ZNF335: variants seen among roughly 807,000 people sequenced by gnomAD.
ZNF335 encodes the protein NRC-interacting factor 1.
A neutral mutation model predicts 145.6 loss-of-function variants in ZNF335; 84 were observed. That is an observed-to-expected ratio of 0.58 (90% CI 0.48 to 0.69). ZNF335 has a LOEUF of 0.69. Among genes scored for constraint, ZNF335 ranks in the 30% least tolerant of loss-of-function variants. The pLI is 0.00. For synonymous variants in ZNF335, 761 were observed against 717.0 expected (o/e 1.06, Z -0.98); for missense variants, 1,865 against 1,809.7 (o/e 1.03, Z -0.55).
At position 45,950,484 on chromosome 20, in the gene ZNF335, T is replaced by G. The variant is rs779642574; in HGVS notation, c.3301A>C (p.Lys1101Gln). The G allele has an allele frequency of 6.2e-7, 1 of 1,614,194 alleles. No homozygotes were observed. The highest frequency in any genetic ancestry group is 8.5e-7 in the Non-Finnish European group (1 of 1,180,034). Reference protein sequence around the residue: ...RRHMLTHTKEKPFACHLCGQR... With the variant: ...RRHMLTHTKEQPFACHLCGQR... ...CCGCAGAGGTGGCATGCAAAAGGCT[T>G]CTCCTTTGTGTGAGTCAGCATGTGC... Residue 1101 changes from lysine (K) to glutamine (Q), a missense_variant, in exon 21 of 28, where the codon AAG becomes CAG. Lys to Gln is a moderately conservative substitution (Grantham distance 53). Coordinates refer to ENST00000322927, the MANE Select transcript of ZNF335 (RefSeq NM_022095.4).
chr20:45,967,780 G>A lies in ZNF335; in HGVS notation c.768C>T (p.Thr256=). Residue 256 remains threonine, a synonymous_variant, in exon 5 of 28, where the codon ACC becomes ACT. Transcript: ENST00000322927. The part of the protein sequence containing the change: ...KCKMCQYRSS[T]KATLLRHMRE... The stretch of plus-strand genomic sequence containing the variant: ...GCATGTGGCGCAGCAGTGTGGCCTT[G>A]GTGCTGCTCCGGTACTGGCACATCT... 6.2e-7 allele frequency: 1 copy of A among 1,613,528 alleles called. No individual in the cohort carries two copies.
chr20:45,949,816 A>C lies in ZNF335; in HGVS notation c.3653T>G (p.Val1218Gly), dbSNP rs748990922. The part of the protein sequence containing the change: ...TADGQTVQHL[V>G]TSDNQVQYII... ...GTAGCTCACCTGGTTGTCGGAGGTC[A>C]CCAGGTGCTGTACGGTCTGGCCATC... The change falls in exon 24 of 28, where the codon GTG becomes GGG. Residue 1218 changes from valine (V) to glycine (G), a missense_variant. Coordinates refer to ENST00000322927, the MANE Select transcript of ZNF335 (RefSeq NM_022095.4). 1.9e-6 allele frequency: 3 copies of C among 1,614,008 alleles called. No homozygotes were observed. The highest frequency in any genetic ancestry group is 8.5e-7 in the Non-Finnish European group (1 of 1,180,014).
chr20:45,959,091 CCA>C, intron 15 of ZNF335, 108 bp downstream of exon 15: 1 of 963,238 alleles, frequency 1.0e-6, no homozygotes, highest in Non-Finnish European at 1.4e-6. Context: ...TGAGTTTTTA[CCA>C]CAGTCTCAAG....
chr20:45,962,047 G>GGC, intron 10 of ZNF335, 23 bp downstream of exon 10: 1 of 1,557,650 alleles, frequency 6.4e-7, no homozygotes, highest in Non-Finnish European at 8.8e-7. Context: ...TCTTGCCCAG[G>GGC]TCCCTCCCAC....
chr20:45,964,474 G>GA (rs896919111), intron 7 of ZNF335: 4 of 156,868 alleles, frequency 2.5e-5, no homozygotes, highest in African/African-American at 9.6e-5. Flanking sequence ...GGGAAGGAGG[G>GA]AGATGTGACT....
intron 9 of ZNF335, among the ~76,000 whole-genome samples, chr20:45,963,187 AAC>A (rs1490994388): frequency 2.0e-5 from 3 of 152,080 alleles, no homozygotes; most frequent in African/African-American, 7.2e-5. Context: ...ATCAGATGAA[AAC>A]AGTTTTATGG....
chr20:45,964,712 C>T (rs188851049), intron 7 of ZNF335, among the ~76,000 whole-genome samples: 4 of 152,070 alleles, frequency 2.6e-5, no homozygotes, highest in Admixed American at 2.0e-4. Context: ...ATATGTGCCT[C>T]GGTAAAAAGG....
intron 10 of ZNF335, 74 bp from the exon 11 acceptor site, chr20:45,960,956 C>T (rs1003212858): frequency 1.3e-6 from 2 of 1,589,762 alleles, no homozygotes; most frequent in African/African-American, 1.3e-5. Flanking sequence ...ACTGAACAGA[C>T]CCAGCCTCAG....
intron 1 of ZNF335, 196 bp from the exon 2 acceptor site, chr20:45,971,656 C>T (rs1390582824): frequency 1.0e-6 from 1 of 985,378 alleles, no homozygotes; most frequent in African/African-American, 1.7e-5. Context: ...CAGGCTAAGG[C>T]CCTTCCCGGG....
intron 2 of ZNF335, 146 bp from the exon 3 acceptor site, chr20:45,969,837 C>G: frequency 9.1e-7 from 1 of 1,094,946 alleles, no homozygotes; most frequent in Non-Finnish European, 1.3e-6. Context: ...CACGGAGGAC[C>G]AGTGAGAGAG....
chr20:45,959,850 G>C (rs1013869615), intron 14 of ZNF335, among the ~76,000 whole-genome samples: 1 of 152,236 alleles, frequency 6.6e-6, no homozygotes, highest in Non-Finnish European at 1.5e-5. Flanking sequence ...GCAGGGTCTG[G>C]AAGAGCCTCC....
chr20:45,955,436 G>A (rs1039338840), intron 17 of ZNF335, among the ~76,000 whole-genome samples: 1 of 150,148 alleles, frequency 6.7e-6, no homozygotes, highest in African/African-American at 2.4e-5. Flanking sequence ...CCTACTGGTG[G>A]CCACGTATAC....
chr20:45,967,890 G>T lies in ZNF335; in HGVS notation c.658C>A (p.Pro220Thr). Residue 220 changes from proline to threonine, a missense_variant, in exon 5 of 28, where the codon CCC (proline) becomes ACC (threonine). Coordinates refer to ENST00000322927, the MANE Select transcript of ZNF335 (RefSeq NM_022095.4). The part of the protein sequence containing the change: ...QGGPSSPVQL[P>T]PASGAEEPDL... ...GGCTCTTCGGCACCGGAGGCTGGGG[G>T]CAGCTGCACCGGGGAGCTGGGCCCA... The T allele has an allele frequency of 4.3e-6, 7 of 1,612,670 alleles. No individual in the cohort carries two copies. The highest frequency in any genetic ancestry group is 5.9e-6 in the Non-Finnish European group (7 of 1,179,620).
chr20:45,964,905 C>T (rs1011591341), intron 7 of ZNF335, among the ~76,000 whole-genome samples: 3 of 151,866 alleles, frequency 2.0e-5, no homozygotes, highest in Non-Finnish European at 4.4e-5. Flanking sequence ...GTGGTGGGCG[C>T]CTGTGATCCC....
At position 45,967,549 on chromosome 20, in the gene ZNF335, T is replaced by A; in HGVS notation, c.900A>T (p.Pro300=). ...CAATGTCATCATCGTCCTCCTCCTC[T>A]GGTCCCTCTTCCTCTTGGCTCTTGG... ...TSTKSQEEEG[P]EEEDDDDIVD... The change falls in exon 6 of 28, where the codon CCA becomes CCT. Residue 300 remains proline, a synonymous_variant. Coordinates refer to ENST00000322927, the MANE Select transcript of ZNF335 (RefSeq NM_022095.4). The A allele has an allele frequency of 6.2e-7, 1 of 1,614,088 alleles. No homozygotes were observed. Among genetic ancestry groups the A allele is most frequent in the Non-Finnish European group, 8.5e-7 (1 of 1,180,020 alleles).
chr20:45,949,300 GC>G, intron 26 of ZNF335, 32 bp downstream of exon 26: 11 of 1,613,992 alleles, frequency 6.8e-6, no homozygotes, highest in Non-Finnish European at 9.3e-6. Context: ...ACCTGCCTGT[GC>G]CCCAGGTCTC....
intron 7 of ZNF335, among the ~76,000 whole-genome samples, chr20:45,965,224 G>C (rs2083929666): frequency 6.6e-6 from 1 of 152,050 alleles, no homozygotes; most frequent in Non-Finnish European, 1.5e-5. Context: ...AGGCGGCAGA[G>C]CTGGTGCTCA....
rs979717225 is a variant in ZNF335 at position 45,969,533 on chromosome 20, G to A, written c.360C>T (p.Ser120=). The change falls in exon 3 of 28, where the codon TCC becomes TCT. Residue 120 remains serine, a synonymous_variant. Transcript: ENST00000322927. ...SALPDPNMLV[S]DCTASSSDLG... Reference sequence around the variant, plus strand: ...GGTCCGAGGAGGAAGCTGTGCAGTCGGACACCAGCATGTTGGGGTCTGGGA... The same window carrying A: ...GGTCCGAGGAGGAAGCTGTGCAGTCAGACACCAGCATGTTGGGGTCTGGGA... The A allele has an allele frequency of 2.7e-5, 43 of 1,591,392 alleles. No individual in the cohort carries two copies. Among genetic ancestry groups the A allele is most frequent in the East Asian group, 4.5e-5 (2 of 44,230 alleles).
At chr20:45,962,047 G>T in intron 10 of ZNF335, 23 bp downstream of exon 10, 2 of 1,557,640 alleles carry the variant, frequency 1.3e-6, no homozygotes, top group Non-Finnish European at 1.8e-6. Flanking sequence ...TCTTGCCCAG[G>T]TCCCTCCCAC....
Sources: gnomAD v4.1 joint callset for allele counts (sites outside exome capture counted in the v4.1 genomes callset) on GRCh38, gnomAD v4.1.1 for gene constraint, MANE v1.5 for transcripts, NCBI Gene and HGNC (gene_info 2026-07-23, HGNC 2026-07-21) for gene names.